CDYL2: variants seen among roughly 807,000 people sequenced by gnomAD.
CDYL2 encodes the protein chromodomain Y like 2, also known as chromodomain Y-like protein 2.
Under a neutral mutation model 49.4 loss-of-function variants are expected in CDYL2, and 23 were observed. The observed-to-expected ratio is 0.47, with a 90% CI of 0.34 to 0.66. The LOEUF (loss-of-function observed/expected upper bound fraction) is 0.66. CDYL2 is among the 30% of genes least tolerant of loss of function. The pLI is 0.01. For synonymous variants in CDYL2, 360 were observed against 268.8 expected, an observed-to-expected ratio of 1.34 and a Z score of -3.32; for missense variants, 678 against 656.4, an observed-to-expected ratio of 1.03 and a Z score of -0.36.
chr16:80,777,645 G>C (rs895958029), intron 1 of CDYL2, among the ~76,000 whole-genome samples: 1 of 151,880 alleles, frequency 6.6e-6, no homozygotes, highest in African/African-American at 2.4e-5. Flanking sequence ...AAACTACCAA[G>C]AATTATTAAA....
chr16:80,685,329 T>C (rs1181935775), intron 1 of CDYL2, among the ~76,000 whole-genome samples, 200 bp from the exon 2 acceptor site: 1 of 152,194 alleles, frequency 6.6e-6, no homozygotes, highest in African/African-American at 2.4e-5. Context: ...CATCACTGGA[T>C]GGAACCTAAG....
intron 2 of CDYL2, among the ~76,000 whole-genome samples, chr16:80,635,055 A>G (rs1420009407): frequency 6.6e-6 from 1 of 152,232 alleles, no homozygotes; most frequent in East Asian, 1.9e-4. Context: ...TCTCTCATGA[A>G]CACAGATGGA....
At chr16:80,646,365 A>G (rs1445811466) in intron 2 of CDYL2, among the ~76,000 whole-genome samples, 4 of 152,220 alleles carry the variant, frequency 2.6e-5, no homozygotes, top group Non-Finnish European at 5.9e-5. Context: ...GAAAGAAAGA[A>G]GGAAAAGAAG....
chr16:80,728,956 A>T (rs1407332938), intron 1 of CDYL2, among the ~76,000 whole-genome samples: 261 of 152,094 alleles, frequency 1.7e-3, no homozygotes, highest in Non-Finnish European at 2.7e-3. Context: ...AGGAAGCGCT[A>T]AACATGGAAA....
At chr16:80,637,111 G>A (rs1315650903) in intron 2 of CDYL2, among the ~76,000 whole-genome samples, 2 of 152,002 alleles carry the variant, frequency 1.3e-5, no homozygotes, top group South Asian at 4.1e-4. Context: ...TAGATGACAG[G>A]TTGATAGGTG....
At chr16:80,662,716 A>T (rs1267806803) in intron 2 of CDYL2, 1 of 455,626 alleles carries the variant, frequency 2.2e-6, no homozygotes, top group African/African-American at 2.0e-5. Context: ...TAATTTTTTA[A>T]TTTTAACTAA....
chr16:80,617,531 C>A (rs937708864), intron 4 of CDYL2, among the ~76,000 whole-genome samples: 1 of 152,184 alleles, frequency 6.6e-6, no homozygotes, highest in Admixed American at 6.5e-5. Context: ...ACGTTCTGTG[C>A]AGAATGCTTC....
At chr16:80,706,139 C>T (rs1904396862) in intron 1 of CDYL2, among the ~76,000 whole-genome samples, 1 of 152,210 alleles carries the variant, frequency 6.6e-6, no homozygotes, top group Non-Finnish European at 1.5e-5. Context: ...TAATCCCCAG[C>T]CAAGTGACTA....
chr16:80,727,410 C>T (rs1597102261), intron 1 of CDYL2, among the ~76,000 whole-genome samples: 1 of 152,228 alleles, frequency 6.6e-6, no homozygotes, highest in East Asian at 1.9e-4. Context: ...AACGGCGCAC[C>T]AGGAGATTAT....
chr16:80,785,574 G>C (rs886521555), intron 1 of CDYL2, among the ~76,000 whole-genome samples: 5 of 152,066 alleles, frequency 3.3e-5, no homozygotes, highest in Non-Finnish European at 7.4e-5. Context: ...TCCCCATCAA[G>C]CTACCACTGA....
chr16:80,699,103 T>C (rs1183040643), intron 1 of CDYL2, among the ~76,000 whole-genome samples: 1 of 151,998 alleles, frequency 6.6e-6, no homozygotes, highest in Non-Finnish European at 1.5e-5. Flanking sequence ...GAAAGGAGGT[T>C]CCTCAAAAAA....
At chr16:80,726,498 T>A (rs930079700) in intron 1 of CDYL2, among the ~76,000 whole-genome samples, 8 of 152,242 alleles carry the variant, frequency 5.3e-5, no homozygotes, top group Non-Finnish European at 1.0e-4. Flanking sequence ...AAAAATTTAA[T>A]CCCAAGTACA....
intron 1 of CDYL2, among the ~76,000 whole-genome samples, chr16:80,690,765 C>G (rs1436749392): frequency 6.6e-6 from 1 of 152,156 alleles, no homozygotes; most frequent in Non-Finnish European, 1.5e-5. Flanking sequence ...GATTAGCCTC[C>G]TGCGCTGGCC....
Position 80,600,340 on chromosome 16 carries a change from A to G in CDYL2, c.*4048T>C, listed in dbSNP as rs1296127010. 1 of 152,228 alleles carries G rather than the reference A, an allele frequency of 6.6e-6. No homozygotes were observed. Among genetic ancestry groups the G allele is most frequent in the Non-Finnish European group, 1.5e-5 (1 of 68,036 alleles). The allele number at this position is 152,228 out of a possible 1,614,324, so 9.4% of individuals were successfully genotyped here. ...TAAAACGCATATCCTAACTTATCAC[A>G]GAAATATAAAAGTTTATATTTTGAA... is the stretch of plus-strand genomic sequence containing the variant. On this transcript the variant is annotated 3_prime_UTR_variant, in exon 7 of 7. Coordinates refer to ENST00000570137, the MANE Select transcript of CDYL2 (RefSeq NM_152342.4).
chr16:80,695,547 G>A (rs1046681454), intron 1 of CDYL2, among the ~76,000 whole-genome samples: 5 of 152,136 alleles, frequency 3.3e-5, no homozygotes, highest in African/African-American at 1.2e-4. Context: ...TGAAAGTGAA[G>A]GGATGGAAAA....
intron 1 of CDYL2, among the ~76,000 whole-genome samples, chr16:80,779,508 A>G (rs532726097): frequency 6.6e-6 from 1 of 152,238 alleles, no homozygotes; most frequent in Non-Finnish European, 1.5e-5. Context: ...GACATTCCAC[A>G]TCTAGAAATT....
chr16:80,796,361 A>T (rs1285966315), intron 1 of CDYL2, among the ~76,000 whole-genome samples: 1 of 152,212 alleles, frequency 6.6e-6, no homozygotes, highest in African/African-American at 2.4e-5. Flanking sequence ...CTAGATTTTG[A>T]CTGAGTAACT....
intron 1 of CDYL2, among the ~76,000 whole-genome samples, chr16:80,716,259 C>T (rs2142518483): frequency 1.3e-5 from 2 of 152,358 alleles, no homozygotes; most frequent in Middle Eastern, 6.8e-3. Flanking sequence ...CAAGTACTTA[C>T]ATCATAATTA....
rs947327773 is a variant in CDYL2, at chr16:80,612,893, G to A, written c.1008-57C>T. On this transcript the variant is annotated intron_variant, in intron 4 of 6. Coordinates refer to ENST00000570137, the MANE Select transcript of CDYL2 (RefSeq NM_152342.4). The surrounding 1 kb of genome is among the most constrained non-coding windows in gnomAD (Gnocchi z 5.0). ...TGACTATAGCATGCTAAGCCCCACT[G>A]GAACCCTTGACTCTCCCAGGTGCTG... 8.1e-6 allele frequency: 12 copies of A among 1,477,912 alleles called. No homozygotes were observed. The African/African-American group carries it at 1.7e-4, about 21-fold the overall frequency. The allele number at this position is 1,477,912 out of a possible 1,614,324, so 91.5% of individuals were successfully genotyped here.
Sources: allele counts gnomAD v4.1 joint callset (sites outside exome capture counted in the v4.1 genomes callset), GRCh38; gene constraint gnomAD v4.1.1; non-coding constraint Gnocchi (gnomAD v3.1); transcripts MANE v1.5; gene names NCBI Gene and HGNC (gene_info 2026-07-23, HGNC 2026-07-21).